TCP10L: variants seen among roughly 807,000 people sequenced by gnomAD.
The protein encoded by TCP10L is t-complex 10 like.
TCP10L carries 11 observed loss-of-function variants against 19.2 expected under a neutral mutation model. The observed-to-expected ratio is 0.57, with a 90% CI of 0.36 to 0.95. The LOEUF (loss-of-function observed/expected upper bound fraction) is 0.95. Among genes scored for constraint, TCP10L ranks in the 40% least tolerant of loss-of-function variants. The pLI, the probability that TCP10L is intolerant of heterozygous loss-of-function variation, is 0.01. For synonymous variants in TCP10L, 96 were observed against 97.2 expected (o/e 0.99, Z 0.07); for missense variants, 247 against 263.9 (o/e 0.94, Z 0.44).
Position 32,575,998 on chromosome 21 carries a change from C to T in TCP10L, c.*776G>A. 3.3e-6 allele frequency: 1 copy of T among 306,016 alleles called. No homozygotes were observed. The highest frequency in any genetic ancestry group is 6.2e-6 in the Non-Finnish European group (1 of 162,532). 19.0% of individuals were successfully genotyped at this position (306,016 alleles called of 1,614,324 possible). On this transcript the variant is annotated 3_prime_UTR_variant, in exon 5 of 5. Transcript: ENST00000300258. ...TCCAGTCACGGCCCCTGGAGACCGGCATGTGGGCTGTGTGTGGGGTGGAGG... is the reference window on the plus strand; with the variant it reads ...TCCAGTCACGGCCCCTGGAGACCGGTATGTGGGCTGTGTGTGGGGTGGAGG...
chr21:32,579,836 C>CCCA lies in TCP10L; in HGVS notation c.361-1008_361-1006dup, dbSNP rs144937689. 1.8e-3 allele frequency among the ~76,000 whole-genome samples: 277 copies of CCCA among 152,120 alleles called. 1 individual carries two copies. The highest frequency in any genetic ancestry group is 3.0e-3 in the Non-Finnish European group (207 of 67,988). On this transcript the variant is annotated intron_variant, in intron 3 of 4. Coordinates refer to ENST00000300258, the MANE Select transcript of TCP10L (RefSeq NM_144659.7). Reference sequence around the variant, plus strand: ...TCCCTGTGAGTCTTCTTGGGTTCTCCCCACAGAAGGTGGACAATCCCGGCC... The same window carrying CCCA: ...TCCCTGTGAGTCTTCTTGGGTTCTCCCCACCACAGAAGGTGGACAATCCCGGCC...
chr21:32,584,128 G>A (rs753852738), intron 2 of TCP10L, 33 bp downstream of exon 2: 5 of 1,587,906 alleles, frequency 3.1e-6, no homozygotes, highest in Admixed American at 1.7e-5. Context: ...CCGCCTGGTG[G>A]GACTAACTCT....
Position 32,576,816 on chromosome 21 carries a change from A to C in TCP10L, c.606T>G (p.Thr202=). The C allele has an allele frequency of 6.2e-7, 1 of 1,614,088 alleles. No homozygotes were observed. The part of the protein sequence containing the change: ...RRRQDRRATP[T]GRPTPCAERR... ...TCTCTGCACAGGGAGTTGGCCTTCCAGTAGGTGTTGCTCTTCTGTCTTGAC... is the reference window on the plus strand; with the variant it reads ...TCTCTGCACAGGGAGTTGGCCTTCCCGTAGGTGTTGCTCTTCTGTCTTGAC... Residue 202 remains threonine (T), a synonymous_variant, in exon 5 of 5, where the codon ACT becomes ACG. Transcript: ENST00000300258.
In TCP10L at chr21:32,582,281, C is replaced by CA; in HGVS notation, c.278dup (p.Arg94GlufsTer42). The CA allele has an allele frequency of 1.2e-6, 2 of 1,614,206 alleles. No homozygotes were observed. Among genetic ancestry groups the CA allele is most frequent in the Non-Finnish European group, 1.7e-6 (2 of 1,180,042 alleles). On this transcript the variant is annotated frameshift_variant, in exon 3 of 5. Transcript: ENST00000300258. LOFTEE classifies it high-confidence loss of function. This position sits in a 1 kb window ranked among gnomAD's most constrained non-coding sequence, Gnocchi z 4.2. ...TCCACCGCTGCAGCTGCAGAGCTCT[C>CA]AGCTTTTCTCGGAGCTCCATGTTCT...
At position 32,574,739 on chromosome 21, in the gene TCP10L, C is replaced by A. The variant is rs1288531277; in HGVS notation, c.*2035G>T. The A allele has an allele frequency of 6.1e-6, 1 of 165,252 alleles. No homozygotes were observed. The allele number at this position is 165,252 out of a possible 1,614,324, so 10.2% of individuals were successfully genotyped here. A position where few individuals can be genotyped will look rare whatever the true frequency, so the allele number is the denominator to read the frequency against. On this transcript the variant is annotated 3_prime_UTR_variant, in exon 5 of 5. Coordinates refer to ENST00000300258, the MANE Select transcript of TCP10L (RefSeq NM_144659.7). Reference sequence around the variant, plus strand: ...ATATACATTGTGGAAATATCAGTATCCTAATGCGATTGCTAAATTCAATTT... The same window carrying A: ...ATATACATTGTGGAAATATCAGTATACTAATGCGATTGCTAAATTCAATTT...
At chr21:32,580,476 CTGTGTGTGTGTGTG>C (rs3056366) in intron 3 of TCP10L, among the ~76,000 whole-genome samples, 4 of 137,236 alleles carry the variant, frequency 2.9e-5, no homozygotes, top group African/African-American at 1.1e-4. Context: ...CGGTGGGTGC[CTGTGTGTGTGTGTG>C]TGTGTGTGTG....
Position 32,578,837 on chromosome 21 carries a change from A to G in TCP10L, c.361-6T>C. ...CCAAAAGCAGGTTCCAATGCCTAAA[A>G]GACAAAATGCAGGGAAATTCTTCAC... On this transcript the variant is annotated splice_region_variant and splice_polypyrimidine_tract_variant and intron_variant, in intron 3 of 4. Coordinates refer to ENST00000300258, the MANE Select transcript of TCP10L (RefSeq NM_144659.7). The surrounding 1 kb of genome is among the most constrained non-coding windows in gnomAD (Gnocchi z 4.2). The G allele has an allele frequency of 6.2e-7, 1 of 1,614,130 alleles. No individual in the cohort carries two copies. The highest frequency in any genetic ancestry group is 8.5e-7 in the Non-Finnish European group (1 of 1,180,024).
chr21:32,576,155 G>A lies in TCP10L; in HGVS notation c.*619C>T, dbSNP rs769859324. Reference sequence around the variant, plus strand: ...AGATGTTCTGCTCACGCGTATCCACGAGAAAGCCCCGCATTTCACGGGGAG... The same window carrying A: ...AGATGTTCTGCTCACGCGTATCCACAAGAAAGCCCCGCATTTCACGGGGAG... On this transcript the variant is annotated 3_prime_UTR_variant, in exon 5 of 5. Coordinates refer to ENST00000300258, the MANE Select transcript of TCP10L (RefSeq NM_144659.7). 4.1e-5 allele frequency: 43 copies of A among 1,040,176 alleles called. No individual in the cohort carries two copies. The highest frequency in any genetic ancestry group is 5.6e-5 in the Non-Finnish European group (40 of 717,110). 64.4% of individuals were successfully genotyped at this position (1,040,176 alleles called of 1,614,324 possible).
intron 1 of TCP10L, 34 bp from the exon 2 acceptor site, chr21:32,584,339 G>T (rs1229422713): frequency 1.2e-6 from 2 of 1,600,878 alleles, no homozygotes; most frequent in Non-Finnish European, 1.7e-6. Flanking sequence ...GGGGACACTT[G>T]AATGCAGCCC....
rs191806601 is a variant in TCP10L, at chr21:32,576,030, G to T, written c.*744C>A. On this transcript the variant is annotated 3_prime_UTR_variant, in exon 5 of 5. Coordinates refer to ENST00000300258, the MANE Select transcript of TCP10L (RefSeq NM_144659.7). ...GCTGTGTGTGGGGTGGAGGGCTGGG[G>T]GTGTTGGCAAGTCTCACAGGTGAGG... is the stretch of plus-strand genomic sequence containing the variant. The T allele has an allele frequency of 3.1e-3, 1,187 of 384,028 alleles. 23 individuals carry two copies. Among genetic ancestry groups the T allele is most frequent in the South Asian group, 0.027 (672 of 24,930 alleles). 23.8% of individuals were successfully genotyped at this position (384,028 alleles called of 1,614,324 possible).
intron 2 of TCP10L, 40 bp downstream of exon 2, chr21:32,584,121 C>T (rs2038530432): frequency 1.9e-6 from 3 of 1,580,408 alleles, no homozygotes. Context: ...CAGGGTCCCG[C>T]CTGGTGGGAC....
At chr21:32,580,476 CTGTGTGTGTGTGTGTGTG>C (rs3056366) in intron 3 of TCP10L, among the ~76,000 whole-genome samples, 4 of 137,236 alleles carry the variant, frequency 2.9e-5, no homozygotes, top group South Asian at 2.5e-4. Context: ...CGGTGGGTGC[CTGTGTGTGTGTGTGTGTG>C]TGTGTGTGTG....
Position 32,582,075 on chromosome 21 carries a change from C to A in TCP10L, c.360+125G>T. On this transcript the variant is annotated intron_variant, in intron 3 of 4. Transcript: ENST00000300258. The surrounding 1 kb of genome is among the most constrained non-coding windows in gnomAD (Gnocchi z 4.2). Reference sequence around the variant, plus strand: ...GGAAATGGAGTTGATGGAAAGATAGCAACCCCTCCCACCACCCGGAGCGTG... The same window carrying A: ...GGAAATGGAGTTGATGGAAAGATAGAAACCCCTCCCACCACCCGGAGCGTG... 9.1e-7 allele frequency: 1 copy of A among 1,098,228 alleles called. No homozygotes were observed. Among genetic ancestry groups the A allele is most frequent in the South Asian group, 1.5e-5 (1 of 66,096 alleles). 68.0% of individuals were successfully genotyped at this position (1,098,228 alleles called of 1,614,324 possible).
Position 32,578,802 on chromosome 21 carries a change from T to C in TCP10L, c.390A>G (p.Ser130=), listed in dbSNP as rs1230418174. 6.2e-7 allele frequency: 1 copy of C among 1,614,062 alleles called. No individual in the cohort carries two copies. ...LALEPAFGKI[S]PLSADEETIP... ...TTGTCTCTTCATCAGCTGACAGAGG[T>C]GAAATTTTTCCAAAAGCAGGTTCCA... Residue 130 remains serine, a synonymous_variant, in exon 4 of 5, where the codon TCA becomes TCG. Transcript: ENST00000300258. This position sits in a 1 kb window ranked among gnomAD's most constrained non-coding sequence, Gnocchi z 4.2.
At chr21:32,581,111 C>A (rs528896148) in intron 3 of TCP10L, among the ~76,000 whole-genome samples, 20 of 152,320 alleles carry the variant, frequency 1.3e-4, no homozygotes, top group African/African-American at 4.3e-4. Context: ...AGAGACCAAG[C>A]GGCTGGATGT....
chr21:32,583,553 C>T (rs2038521624), intron 2 of TCP10L, among the ~76,000 whole-genome samples: 1 of 144,740 alleles, frequency 6.9e-6, no homozygotes, highest in Non-Finnish European at 1.5e-5. Flanking sequence ...CCCGCCACTG[C>T]ACTCCAGCCT....
chr21:32,582,109 C>A lies in TCP10L; in HGVS notation c.360+91G>T, dbSNP rs1006986853. On this transcript the variant is annotated intron_variant, in intron 3 of 4. Transcript: ENST00000300258. The surrounding 1 kb of genome is among the most constrained non-coding windows in gnomAD (Gnocchi z 4.2). ...CCACCACCCGGAGCGTGAGTGATAC[C>A]GCGTCATTCAGCAATAAAGCCCACA... is the stretch of plus-strand genomic sequence containing the variant. 7.0e-7 allele frequency: 1 copy of A among 1,424,018 alleles called. No individual in the cohort carries two copies. The highest frequency in any genetic ancestry group is 9.7e-7 in the Non-Finnish European group (1 of 1,032,088). The allele number at this position is 1,424,018 out of a possible 1,614,324, so 88.2% of individuals were successfully genotyped here.
At chr21:32,585,049 G>A (rs759460199) in intron 1 of TCP10L, among the ~76,000 whole-genome samples, 11 of 152,168 alleles carry the variant, frequency 7.2e-5, no homozygotes, top group South Asian at 2.1e-4. Flanking sequence ...TGCCCTGTCC[G>A]TTTTAGGAAG....
Position 32,578,789 on chromosome 21 carries a change from C to T in TCP10L, c.403G>A (p.Asp135Asn). ...AFGKISPLSA[D>N]EETIPKYAGH... ...GCGTATTTGGGTATTGTCTCTTCAT[C>T]AGCTGACAGAGGTGAAATTTTTCCA... Residue 135 changes from aspartate to asparagine, a missense_variant, in exon 4 of 5, where the codon GAT (aspartate) becomes AAT (asparagine). Coordinates refer to ENST00000300258, the MANE Select transcript of TCP10L (RefSeq NM_144659.7). The surrounding 1 kb of genome is among the most constrained non-coding windows in gnomAD (Gnocchi z 4.2). 2 of 1,614,194 alleles carry T rather than the reference C, an allele frequency of 1.2e-6. No homozygotes were observed. Among genetic ancestry groups the T allele is most frequent in the Non-Finnish European group, 1.7e-6 (2 of 1,180,034 alleles).
Sources: gnomAD v4.1 joint callset for allele counts (sites outside exome capture counted in the v4.1 genomes callset) on GRCh38, gnomAD v4.1.1 for gene constraint, Gnocchi (gnomAD v3.1) non-coding constraint, MANE v1.5 for transcripts, NCBI Gene and HGNC (gene_info 2026-07-23, HGNC 2026-07-21) for gene names.